The following INTS3 variants were observed in gnomAD, a reference collection of about 807,000 sequenced individuals.
INTS3 encodes the protein integrator complex subunit 3.
Under a neutral mutation model 146.3 loss-of-function variants are expected in INTS3, and 34 were observed. That is an observed-to-expected ratio of 0.23 (90% CI 0.18 to 0.31). The LOEUF (loss-of-function observed/expected upper bound fraction) is 0.31, where lower values mean the gene tolerates loss of function less well. Among genes scored for constraint, INTS3 ranks in the 10% least tolerant of loss-of-function variants. The pLI, the probability that INTS3 is intolerant of heterozygous loss-of-function variation, is 1.00. For synonymous variants in INTS3, 475 were observed against 494.9 expected (o/e 0.96, Z 0.53); for missense variants, 757 against 1,304.2 (o/e 0.58, Z 6.46).
At chr1:153,761,729 AG>A (rs1419661756) in intron 14 of INTS3, 53 bp downstream of exon 14, 1 of 1,213,558 alleles carries the variant, frequency 8.2e-7, no homozygotes, top group African/African-American at 1.5e-5. Flanking sequence ...CAAGACAACC[AG>A]GCCTTCAGGC....
chr1:153,729,865 C>CA (rs59539957), intron 1 of INTS3, among the ~76,000 whole-genome samples: 121,041 of 127,858 alleles, frequency 0.95, 57,329 homozygotes, highest in South Asian at 0.98. Context: ...GACCCCGTCT[C>CA]AAAAAAAAAA....
Position 153,746,951 on chromosome 1 carries a change from T to G in INTS3, c.319-6T>G. The G allele has an allele frequency of 6.2e-7, 1 of 1,601,164 alleles. No individual in the cohort carries two copies. The highest frequency in any genetic ancestry group is 2.2e-5 in the East Asian group (1 of 44,790). On this transcript the variant is annotated splice_polypyrimidine_tract_variant and splice_region_variant and intron_variant, in intron 3 of 29. Transcript: ENST00000318967. The stretch of plus-strand genomic sequence containing the variant: ...GCTGGCTGATCACAAACTTTACTTC[T>G]CACAGTGTTACCGGGACTTAGCTCT...
chr1:153,764,823 C>G, intron 19 of INTS3, 89 bp downstream of exon 19: 2 of 1,527,886 alleles, frequency 1.3e-6, no homozygotes, highest in Non-Finnish European at 1.8e-6. Flanking sequence ...TAATGGGACT[C>G]GCTTTCCAGG....
chr1:153,762,701 A>C (rs1440939877), intron 14 of INTS3, 27 bp from the exon 15 acceptor site: 1 of 1,613,840 alleles, frequency 6.2e-7, no homozygotes. Context: ...GAGGCCATTA[A>C]ATGCCTTATC....
rs753954576 is a variant in INTS3 at position 153,747,063 on chromosome 1, G to A, written c.425G>A (p.Arg142His). 1.1e-5 allele frequency: 18 copies of A among 1,597,190 alleles called. No individual in the cohort carries two copies. The highest frequency in any genetic ancestry group is 5.4e-5 in the African/African-American group (4 of 74,576). Reference protein sequence around the residue: ...EKYLKLQDTCRTQLVWLVREL... With the variant: ...EKYLKLQDTCHTQLVWLVREL... ...TACCTGAAGCTGCAGGATACCTGCC[G>A]TACTCAGGTAAGGCCAGAAAGAAAA... Residue 142 changes from arginine to histidine, a missense_variant, in exon 4 of 30, where the codon CGT (arginine) becomes CAT (histidine). Arg to His is a conservative substitution (Grantham distance 29). Coordinates refer to ENST00000318967, the MANE Select transcript of INTS3 (RefSeq NM_023015.5).
chr1:153,740,168 C>T (rs1324966718), intron 1 of INTS3, among the ~76,000 whole-genome samples: 1 of 152,014 alleles, frequency 6.6e-6, no homozygotes, highest in Non-Finnish European at 1.5e-5. Context: ...GGCGCGATCT[C>T]TGCTCACTGC....
At position 153,773,332 on chromosome 1, in the gene INTS3, G is replaced by GT; in HGVS notation, c.*64dup. 1.4e-6 allele frequency: 2 copies of GT among 1,444,186 alleles called. No homozygotes were observed. Among genetic ancestry groups the GT allele is most frequent in the Non-Finnish European group, 9.8e-7 (1 of 1,025,156 alleles). The allele number at this position is 1,444,186 out of a possible 1,614,324, so 89.5% of individuals were successfully genotyped here. A position where few individuals can be genotyped will look rare whatever the true frequency, so the allele number is the denominator to read the frequency against. ...CCCTCTCCTTCTTGGTGATTCAAAGGTTAATAGAGGCTGAGGAGATTGCAG... is the reference window on the plus strand; with the variant it reads ...CCCTCTCCTTCTTGGTGATTCAAAGGTTTAATAGAGGCTGAGGAGATTGCAG... On this transcript the variant is annotated 3_prime_UTR_variant, in exon 30 of 30. Coordinates refer to ENST00000318967, the MANE Select transcript of INTS3 (RefSeq NM_023015.5).
Position 153,772,741 on chromosome 1 carries a change from AAGT to A in INTS3, c.2894+36_2894+38del. 1.2e-6 allele frequency: 2 copies of A among 1,610,332 alleles called. No individual in the cohort carries two copies. On this transcript the variant is annotated intron_variant, in intron 28 of 29. Transcript: ENST00000318967. This position sits in a 1 kb window ranked among gnomAD's most constrained non-coding sequence, Gnocchi z 4.6. The stretch of plus-strand genomic sequence containing the variant: ...GGCTCCTGCCACTTTGGGCCTTGGA[AAGT>A]AGTAGGGGAAAAGCCTAAGGGAGAG...
intron 5 of INTS3, 38 bp from the exon 6 acceptor site, chr1:153,748,651 T>C (rs1350528943): frequency 6.4e-7 from 1 of 1,551,400 alleles, no homozygotes; most frequent in South Asian, 1.1e-5. Context: ...GCTGACTTGC[T>C]AATCGGAGCT....
At chr1:153,770,435 C>T (rs958819614) in intron 24 of INTS3, 124 bp downstream of exon 24, 2 of 761,828 alleles carry the variant, frequency 2.6e-6, no homozygotes, top group African/African-American at 3.4e-5. Context: ...CACCAAAGTG[C>T]ACAAGGGCAG....
At chr1:153,769,915 C>T in intron 23 of INTS3, 71 bp downstream of exon 23, 1 of 1,128,376 alleles carries the variant, frequency 8.9e-7, no homozygotes, top group Non-Finnish European at 1.4e-6. Context: ...GTATTTTACA[C>T]TATCAGGAAA....
chr1:153,737,521 C>A (rs541322970), intron 1 of INTS3, among the ~76,000 whole-genome samples: 4 of 151,908 alleles, frequency 2.6e-5, no homozygotes, highest in African/African-American at 9.6e-5. Flanking sequence ...TTTTTTTGGA[C>A]AGAGTCTCAT....
intron 4 of INTS3, 44 bp from the exon 5 acceptor site, chr1:153,747,235 C>A: frequency 1.3e-6 from 2 of 1,554,946 alleles, no homozygotes; most frequent in South Asian, 1.1e-5. Flanking sequence ...CCTTCTCAAA[C>A]TCACAGTTCC....
chr1:153,730,709 C>G (rs1671029594), intron 1 of INTS3, among the ~76,000 whole-genome samples: 1 of 152,086 alleles, frequency 6.6e-6, no homozygotes, highest in Non-Finnish European at 1.5e-5. Context: ...CCAACTGTTT[C>G]CAGGGAAAAG....
chr1:153,741,642 G>T (rs1671538159), intron 3 of INTS3, among the ~76,000 whole-genome samples: 1 of 152,212 alleles, frequency 6.6e-6, no homozygotes, highest in Admixed American at 6.5e-5. Context: ...GGCTAAAAGG[G>T]TTGGGATTAA....
intron 7 of INTS3, among the ~76,000 whole-genome samples, chr1:153,751,779 G>C (rs1003778993): frequency 6.6e-6 from 1 of 152,164 alleles, no homozygotes; most frequent in Non-Finnish European, 1.5e-5. Context: ...ATTAATGTTA[G>C]ATAAAAAGTT....
chr1:153,773,017 G>C lies in INTS3; in HGVS notation c.2987G>C (p.Arg996Pro). 6.2e-7 allele frequency: 1 copy of C among 1,614,176 alleles called. No individual in the cohort carries two copies. Among genetic ancestry groups the C allele is most frequent in the Non-Finnish European group, 8.5e-7 (1 of 1,180,040 alleles). Residue 996 changes from arginine to proline, a missense_variant, in exon 29 of 30, where the codon CGA becomes CCA. Physicochemically the swap from Arg to Pro is moderately radical, Grantham distance 103. Coordinates refer to ENST00000318967, the MANE Select transcript of INTS3 (RefSeq NM_023015.5). ...CGAAAAGCAGCTCTGTCCAGCCCTC[G>C]AAGTCGAAAGAATGCCACACAGCCC... ...SRRKAALSSP[R>P]SRKNATQPPN... is the part of the protein sequence containing the mutation.
Position 153,772,032 on chromosome 1 carries a change from TGGTGGTG to T in INTS3, c.2720+71_2720+77del, listed in dbSNP as rs1187595705. The T allele has an allele frequency of 6.9e-6, 9 of 1,295,208 alleles. No individual in the cohort carries two copies. The highest frequency in any genetic ancestry group is 1.5e-5 in the African/African-American group (1 of 67,406). 80.2% of individuals were successfully genotyped at this position (1,295,208 alleles called of 1,614,324 possible). A position where few individuals can be genotyped will look rare whatever the true frequency, so the allele number is the denominator to read the frequency against. On this transcript the variant is annotated intron_variant, in intron 26 of 29. Transcript: ENST00000318967. The surrounding 1 kb of genome is among the most constrained non-coding windows in gnomAD (Gnocchi z 4.6). ...CAGTGATTGCTGTCGGTGGTGGTGG[TGGTGGTG>T]GTGGTGGTGGTGATGGGGGTCAGTG...
Position 153,751,117 on chromosome 1 carries a change from A to C in INTS3, c.607A>C (p.Ile203Leu). The change falls in exon 7 of 30, where the codon ATC becomes CTC. Residue 203 changes from isoleucine (I) to leucine (L), a missense_variant. Around this residue, in one of 8 missense-constraint regions of INTS3, gnomAD observed 134 missense variants for 243.1 expected, o/e 0.55. Transcript: ENST00000318967. The stretch of plus-strand genomic sequence containing the variant: ...CAGGGAGTGGGTCCTGAAGAGCAGC[A>C]TCCTCATTGCCATGGCTGTTTACAC... ...EQREWVLKSS[I>L]LIAMAVYTYL... 6.2e-7 allele frequency: 1 copy of C among 1,614,212 alleles called. No individual in the cohort carries two copies. The highest frequency in any genetic ancestry group is 8.5e-7 in the Non-Finnish European group (1 of 1,180,030).
Sources: allele counts gnomAD v4.1 joint callset (sites outside exome capture counted in the v4.1 genomes callset), GRCh38; gene constraint gnomAD v4.1.1; regional missense constraint gnomAD v4.1.1; non-coding constraint Gnocchi (gnomAD v3.1); transcripts MANE v1.5; gene names NCBI Gene and HGNC (gene_info 2026-07-23, HGNC 2026-07-21).